The following NCOA2 variants were observed in gnomAD, a reference collection of about 807,000 sequenced individuals.
The protein encoded by NCOA2 is class E basic helix-loop-helix protein 75.
In NCOA2, 21 loss-of-function variants were observed where a neutral mutation model predicts 145.1. That is an observed-to-expected ratio of 0.14 (90% CI 0.10 to 0.21). NCOA2 has a LOEUF of 0.21. Ranked by LOEUF, NCOA2 falls within the 10% of genes least tolerant of loss-of-function variation. The probability of loss-of-function intolerance (pLI) is 1.00; values close to 1 mark genes in which losing one functional copy is unlikely to be tolerated. For synonymous variants in NCOA2, 619 were observed against 637.5 expected (o/e 0.97, Z 0.44); for missense variants, 1,472 against 1,837.6 (o/e 0.80, Z 3.64).
chr8:70,221,724 A>T (rs182685588), intron 2 of NCOA2, among the ~76,000 whole-genome samples: 35 of 152,334 alleles, frequency 2.3e-4, no homozygotes, highest in African/African-American at 7.2e-4. Flanking sequence ...CTATGCAGGA[A>T]ATATACAGAC....
intron 1 of NCOA2, among the ~76,000 whole-genome samples, chr8:70,339,647 G>C (rs1406308125): frequency 6.6e-6 from 1 of 152,054 alleles, no homozygotes; most frequent in African/African-American, 2.4e-5. Context: ...TAAGCAAAAA[G>C]AACAAAGCTG....
rs201555404 is a variant in NCOA2 at position 70,172,101 on chromosome 8, C to T, written c.364-1722G>A. ...TCAGCCTCACAAAGGGGTGAAATTA[C>T]AGGCATGAGCCAGTGCGCCAGTCTT... On this transcript the variant is annotated intron_variant, in intron 5 of 22. Coordinates refer to ENST00000452400, the MANE Select transcript of NCOA2 (RefSeq NM_006540.4). 9.9e-5 allele frequency among the ~76,000 whole-genome samples: 15 copies of T among 152,124 alleles called. No homozygotes were observed. The East Asian group carries it at 2.9e-3, about 29-fold the overall frequency.
chr8:70,283,458 G>A (rs1826026461), intron 2 of NCOA2, among the ~76,000 whole-genome samples: 1 of 152,140 alleles, frequency 6.6e-6, no homozygotes, highest in African/African-American at 2.4e-5. Flanking sequence ...ATTTGCACAA[G>A]ATCTCACAGC....
At chr8:70,382,778 T>C (rs1358802488) in intron 1 of NCOA2, among the ~76,000 whole-genome samples, 1 of 152,216 alleles carries the variant, frequency 6.6e-6, no homozygotes, top group Non-Finnish European at 1.5e-5. Flanking sequence ...ACAACCGATA[T>C]GGAAAAGCAG....
the NCOA2 span, among the ~76,000 whole-genome samples, chr8:70,425,563 C>G: frequency 6.6e-6 from 1 of 152,130 alleles, no homozygotes; most frequent in Non-Finnish European, 1.5e-5. Flanking sequence ...AACAATTATT[C>G]CACCCATCAG....
chr8:70,193,983 T>G (rs1379372862), intron 4 of NCOA2, among the ~76,000 whole-genome samples: 1 of 152,224 alleles, frequency 6.6e-6, no homozygotes, highest in Admixed American at 6.5e-5. Flanking sequence ...ACAAAATTTC[T>G]TATTTCCAAA....
At chr8:70,150,063 T>C (rs1321363054) in intron 11 of NCOA2, among the ~76,000 whole-genome samples, 1 of 152,202 alleles carries the variant, frequency 6.6e-6, no homozygotes. Context: ...ATTTCTCAAG[T>C]TAGGAAGAAT....
At chr8:70,439,075 T>C in the NCOA2 span, among the ~76,000 whole-genome samples, 4 of 152,232 alleles carry the variant, frequency 2.6e-5, no homozygotes, top group Non-Finnish European at 4.4e-5. Context: ...GGGATTGCTG[T>C]GTATAGGTCC....
the NCOA2 span, among the ~76,000 whole-genome samples, chr8:70,450,570 A>ATTTTTT: frequency 1.6e-5 from 1 of 61,136 alleles, no homozygotes; most frequent in African/African-American, 7.4e-5. Flanking sequence ...ACTTCTTTTT[A>ATTTTTT]TTCTTTTTTT....
At chr8:70,372,952 T>C (rs1009290042) in intron 1 of NCOA2, among the ~76,000 whole-genome samples, 6 of 152,228 alleles carry the variant, frequency 3.9e-5, no homozygotes, top group Non-Finnish European at 8.8e-5. Flanking sequence ...AGTTTGTTCT[T>C]TTTTATTGCT....
At chr8:70,247,497 C>CAATGA (rs1257862421) in intron 2 of NCOA2, among the ~76,000 whole-genome samples, 1 of 152,060 alleles carries the variant, frequency 6.6e-6, no homozygotes, top group Admixed American at 6.6e-5. Context: ...CATATACAAT[C>CAATGA]AATGCAATGC....
intron 1 of NCOA2, among the ~76,000 whole-genome samples, chr8:70,297,335 T>C (rs1329402519): frequency 6.6e-6 from 1 of 151,724 alleles, no homozygotes; most frequent in Non-Finnish European, 1.5e-5. Context: ...GAATTATCTT[T>C]TATTTTCCCC....
chr8:70,174,380 C>T lies in NCOA2; in HGVS notation c.363+376G>A, dbSNP rs77585763. On this transcript the variant is annotated intron_variant, in intron 5 of 22. Coordinates refer to ENST00000452400, the MANE Select transcript of NCOA2 (RefSeq NM_006540.4). ...TCCTCCTTGGTCCTCATATTTTAAC[C>T]TGTATGTATAGGCATTTGTACATGG... is the stretch of plus-strand genomic sequence containing the variant. 5.9e-3 allele frequency among the ~76,000 whole-genome samples: 895 copies of T among 152,172 alleles called. 5 individuals carry two copies. The highest frequency in any genetic ancestry group is 0.02 in the African/African-American group (833 of 41,506).
At chr8:70,147,280 C>T (rs1811207648) in intron 12 of NCOA2, among the ~76,000 whole-genome samples, 1 of 152,092 alleles carries the variant, frequency 6.6e-6, no homozygotes, top group African/African-American at 2.4e-5. Flanking sequence ...TTACAGGCAC[C>T]CACCACCACG....
intron 12 of NCOA2, among the ~76,000 whole-genome samples, chr8:70,145,734 A>C (rs1485633352): frequency 6.6e-6 from 1 of 151,846 alleles, no homozygotes; most frequent in Non-Finnish European, 1.5e-5. Flanking sequence ...AGGTTAAGAG[A>C]TCCTCTTGCC....
At chr8:70,362,806 A>C (rs1470559423) in intron 1 of NCOA2, among the ~76,000 whole-genome samples, 2 of 152,140 alleles carry the variant, frequency 1.3e-5, no homozygotes, top group Non-Finnish European at 2.9e-5. Context: ...TGCTGAATAC[A>C]GTGGCTCACA....
Position 70,121,646 on chromosome 8 carries a change from A to AT in NCOA2, c.4294-256dup, listed in dbSNP as rs945107894. Among the ~76,000 whole-genome samples, 128 of 152,348 alleles carry AT rather than the reference A, an allele frequency of 8.4e-4. 1 individual carries two copies. The highest frequency in any genetic ancestry group is 3.0e-3 in the African/African-American group (124 of 41,590). On this transcript the variant is annotated intron_variant, in intron 21 of 22. Transcript: ENST00000452400. ...TATCTGCATGCTGTACAGAAATCAA[A>AT]TTCAATTGACTTAATAATAATAGAG...
chr8:70,430,701 C>T, the NCOA2 span, among the ~76,000 whole-genome samples: 15 of 152,088 alleles, frequency 9.9e-5, no homozygotes, highest in Non-Finnish European at 1.6e-4. Flanking sequence ...ATGGTTGCTT[C>T]GTTTCTTAAC....
chr8:70,211,327 C>T (rs112514604), intron 4 of NCOA2, among the ~76,000 whole-genome samples: 7 of 151,826 alleles, frequency 4.6e-5, no homozygotes, highest in African/African-American at 1.5e-4. Context: ...GACGTGGTGG[C>T]GCATGCCTGT....
Sources: allele counts gnomAD v4.1 joint callset (sites outside exome capture counted in the v4.1 genomes callset), GRCh38; gene constraint gnomAD v4.1.1; transcripts MANE v1.5; gene names NCBI Gene and HGNC (gene_info 2026-07-23, HGNC 2026-07-21).